Variants in NPHP1 observed in about 807,000 individuals in gnomAD.
NPHP1 encodes the protein nephrocystin-1.
NPHP1 carries 70 observed loss-of-function variants against 90.4 expected under a neutral mutation model. That is an observed-to-expected ratio of 0.77 (90% CI 0.64 to 0.95). The LOEUF (loss-of-function observed/expected upper bound fraction) is 0.95. Among genes scored for constraint, NPHP1 ranks in the 40% least tolerant of loss-of-function variants. The pLI, the probability that NPHP1 is intolerant of heterozygous loss-of-function variation, is 0.00. For missense variants in NPHP1, 764 were observed against 795.9 expected, an observed-to-expected ratio of 0.96 and a Z score of 0.48; for synonymous variants, 256 against 271.7, an observed-to-expected ratio of 0.94 and a Z score of 0.57.
At chr2:110,148,053 T>C (rs778443933) in intron 12 of NPHP1, 27 bp from the exon 13 acceptor site, 2 of 1,424,372 alleles carry the variant, frequency 1.4e-6, no homozygotes, top group South Asian at 1.1e-5. Flanking sequence ...ATTAAAGTTA[T>C]TGATAAAAAT....
In NPHP1 at chr2:110,172,642, C is replaced by T. The variant is rs1336315175; in HGVS notation, c.330-2644G>A. 3.3e-5 allele frequency among the ~76,000 whole-genome samples: 5 copies of T among 152,020 alleles called. No individual in the cohort carries two copies. The East Asian group carries it at 7.8e-4, about 24-fold the overall frequency. ...CAAAAAATTTAAAAAATTTGCCAAG[C>T]GTAGTGGCACACGCCTGTAGTCTCA... On this transcript the variant is annotated intron_variant, in intron 4 of 19. Transcript: ENST00000445609.
At chr2:110,144,761 A>G (rs1475360083) in intron 14 of NPHP1, among the ~76,000 whole-genome samples, 192 bp from the exon 15 acceptor site, 1 of 152,166 alleles carries the variant, frequency 6.6e-6, no homozygotes, top group African/African-American at 2.4e-5. Context: ...TTCTTTCCTA[A>G]TTATAAGCTG....
chr2:110,199,406 C>T (rs1685411616), intron 2 of NPHP1, among the ~76,000 whole-genome samples: 1 of 147,952 alleles, frequency 6.8e-6, no homozygotes, highest in South Asian at 2.1e-4. Context: ...AGTGAGACTC[C>T]ATCTTAAAAA....
chr2:110,145,145 G>A (rs1680926867), intron 14 of NPHP1, among the ~76,000 whole-genome samples: 1 of 152,098 alleles, frequency 6.6e-6, no homozygotes, highest in East Asian at 1.9e-4. Flanking sequence ...ACTAACACAT[G>A]CTTCAAAACT....
At position 110,143,690 on chromosome 2, in the gene NPHP1, C is replaced by T. The variant is rs778125638; in HGVS notation, c.1430-49G>A. On this transcript the variant is annotated intron_variant, in intron 15 of 19. Coordinates refer to ENST00000445609, the MANE Select transcript of NPHP1 (RefSeq NM_001128178.3). ...CTCACGAAACTTTAAGTACTTGAGA[C>T]AGTGAGTATAATAAAACAAGTATTT... 4.9e-6 allele frequency: 6 copies of T among 1,230,116 alleles called. No individual in the cohort carries two copies. In the Admixed American group the frequency reaches 5.1e-5, roughly 10 times the overall value. The allele number at this position is 1,230,116 out of a possible 1,614,324, so 76.2% of individuals were successfully genotyped here.
At chr2:110,162,700 C>A (rs577378441) in intron 9 of NPHP1, among the ~76,000 whole-genome samples, 1 of 152,026 alleles carries the variant, frequency 6.6e-6, no homozygotes, top group South Asian at 2.1e-4. Context: ...AGGGGCTGAT[C>A]CTTTAAGGTG....
At chr2:110,182,995 C>A (rs2104630358) in intron 2 of NPHP1, among the ~76,000 whole-genome samples, 1 of 152,166 alleles carries the variant, frequency 6.6e-6, no homozygotes, top group Non-Finnish European at 1.5e-5. Context: ...GGTTGCAATT[C>A]TAGCTTCTGA....
chr2:110,196,169 T>C (rs1437453402), intron 2 of NPHP1, among the ~76,000 whole-genome samples: 1 of 151,936 alleles, frequency 6.6e-6, no homozygotes, highest in Non-Finnish European at 1.5e-5. Context: ...CTAATTAAAC[T>C]AAAGAGCTTC....
chr2:110,139,098 C>A (rs1371541340), intron 16 of NPHP1, among the ~76,000 whole-genome samples: 7 of 151,700 alleles, frequency 4.6e-5, no homozygotes, highest in Non-Finnish European at 7.4e-5. Flanking sequence ...AGCATTCAAG[C>A]AACTAACATT....
chr2:110,201,414 A>C lies in NPHP1; in HGVS notation c.143+7T>G. The C allele has an allele frequency of 6.3e-7, 1 of 1,577,950 alleles. No individual in the cohort carries two copies. The highest frequency in any genetic ancestry group is 8.7e-7 in the Non-Finnish European group (1 of 1,149,400). ...CTGTAAAGCTTATATAATTTAGCAT[A>C]CTTTACCTTTGATAAATATGTTGTC... On this transcript the variant is annotated splice_region_variant and intron_variant, in intron 2 of 19. Coordinates refer to ENST00000445609, the MANE Select transcript of NPHP1 (RefSeq NM_001128178.3).
In NPHP1 at chr2:110,147,899, T is replaced by C. The variant is rs1269713401; in HGVS notation, c.1269+17A>G. 6 of 1,369,156 alleles carry C rather than the reference T, an allele frequency of 4.4e-6. No individual in the cohort carries two copies. The highest frequency in any genetic ancestry group is 1.2e-5 in the South Asian group (1 of 86,150). The allele number at this position is 1,369,156 out of a possible 1,614,324, so 84.8% of individuals were successfully genotyped here. A position where few individuals can be genotyped will look rare whatever the true frequency, so the allele number is the denominator to read the frequency against. ...TTAACTGATACATTAGAAAGCCTTA[T>C]CTTTCAACGGACATACATTGCGAAT... On this transcript the variant is annotated intron_variant, in intron 13 of 19. Transcript: ENST00000445609.
At chr2:110,133,148 A>G (rs1679911129) in intron 16 of NPHP1, among the ~76,000 whole-genome samples, 1 of 152,120 alleles carries the variant, frequency 6.6e-6, no homozygotes, top group Non-Finnish European at 1.5e-5. Context: ...ATTTAATTAT[A>G]TGTTATCTAT....
intron 2 of NPHP1, among the ~76,000 whole-genome samples, chr2:110,191,150 A>G (rs1402294438): frequency 7.2e-5 from 11 of 152,100 alleles, no homozygotes; most frequent in Non-Finnish European, 1.2e-4. Flanking sequence ...CTCACTAGGG[A>G]CTATCAGACA....
intron 16 of NPHP1, among the ~76,000 whole-genome samples, chr2:110,141,611 G>A (rs1371737920): frequency 6.6e-6 from 1 of 152,118 alleles, no homozygotes; most frequent in East Asian, 1.9e-4. Context: ...GTGCTGTCAA[G>A]AATATAGAGT....
intron 16 of NPHP1, among the ~76,000 whole-genome samples, chr2:110,135,545 A>G (rs1436087150): frequency 6.6e-6 from 1 of 151,272 alleles, no homozygotes; most frequent in Admixed American, 6.6e-5. Flanking sequence ...TATAGTAAAT[A>G]CTGGGAATGT....
chr2:110,164,843 T>C, intron 7 of NPHP1, 113 bp from the exon 8 acceptor site: 6 of 1,064,780 alleles, frequency 5.6e-6, no homozygotes, highest in South Asian at 2.5e-5. Context: ...AATCTAACAG[T>C]TTCCAGATGA....
chr2:110,151,612 G>A (rs1194018566), intron 11 of NPHP1, among the ~76,000 whole-genome samples: 3 of 152,084 alleles, frequency 2.0e-5, no homozygotes, highest in Non-Finnish European at 1.5e-5. Context: ...GAATATAGGA[G>A]TATTTTATGG....
chr2:110,168,893 T>C (rs183929981), intron 5 of NPHP1, among the ~76,000 whole-genome samples: 1 of 152,316 alleles, frequency 6.6e-6, no homozygotes, highest in Admixed American at 6.5e-5. Flanking sequence ...TATTTTTGAA[T>C]GTTTTAATAT....
chr2:110,146,604 A>G, intron 14 of NPHP1, 149 bp downstream of exon 14: 1 of 692,680 alleles, frequency 1.4e-6, no homozygotes, highest in Non-Finnish European at 2.7e-6. Flanking sequence ...CTGTTTTCAT[A>G]CACTGCCTAA....
Sources: allele counts gnomAD v4.1 joint callset (sites outside exome capture counted in the v4.1 genomes callset), GRCh38; gene constraint gnomAD v4.1.1; transcripts MANE v1.5; gene names NCBI Gene and HGNC (gene_info 2026-07-23, HGNC 2026-07-21).